The following FRAS1 variants were observed in gnomAD, a reference collection of about 807,000 sequenced individuals.
The protein encoded by FRAS1 is Fraser extracellular matrix complex subunit 1.
In FRAS1, 290 loss-of-function variants were observed where a neutral mutation model predicts 435.2. The observed-to-expected ratio is 0.67, with a 90% confidence interval of 0.61 to 0.73. The LOEUF (loss-of-function observed/expected upper bound fraction) is 0.73. Ranked by LOEUF, FRAS1 falls within the 30% of genes least tolerant of loss-of-function variation. The pLI is 0.00. For synonymous variants in FRAS1, 1,800 were observed against 1,851.0 expected (o/e 0.97, Z 0.71); for missense variants, 4,860 against 5,001.5 (o/e 0.97, Z 0.85).
chr4:78,065,164 G>GTATATATGTA (rs1012445206), intron 1 of FRAS1, among the ~76,000 whole-genome samples: 8 of 143,056 alleles, frequency 5.6e-5, no homozygotes, highest in African/African-American at 2.1e-4. Context: ...TATATAGTGG[G>GTATATATGTA]TATATATGTA....
At chr4:78,306,223 A>G (rs1728706243) in intron 14 of FRAS1, among the ~76,000 whole-genome samples, 2 of 152,010 alleles carry the variant, frequency 1.3e-5, no homozygotes, top group South Asian at 4.2e-4. Context: ...AGTTTCGGCC[A>G]AGAGATCCGC....
At chr4:78,394,464 CTCCTT>C (rs997463517) in intron 29 of FRAS1, among the ~76,000 whole-genome samples, 15 of 151,788 alleles carry the variant, frequency 9.9e-5, no homozygotes, top group Admixed American at 7.9e-4. Flanking sequence ...CTATTCTTTT[CTCCTT>C]TCCTTATTTT....
At chr4:78,270,143 G>A (rs911075783) in intron 9 of FRAS1, among the ~76,000 whole-genome samples, 9 of 152,222 alleles carry the variant, frequency 5.9e-5, no homozygotes, top group African/African-American at 1.9e-4. Flanking sequence ...CCCCACTGCA[G>A]TGAACTGATG....
At chr4:78,288,537 G>A (rs55881329) in intron 14 of FRAS1, among the ~76,000 whole-genome samples, 2,086 of 151,010 alleles carry the variant, frequency 0.014, 53 homozygotes, top group African/African-American at 0.048. Flanking sequence ...GGTTTACGTA[G>A]CTCACTGCTT....
Position 78,417,647 on chromosome 4 carries a change from C to T in FRAS1, c.4426-1302C>T, listed in dbSNP as rs139366029. On this transcript the variant is annotated intron_variant, in intron 32 of 73. Coordinates refer to ENST00000512123, the MANE Select transcript of FRAS1 (RefSeq NM_025074.7). ...GACTCTTTACTATAGGGGGATTGTT[C>T]TAACCTGCAAATTCTGCCTCTCCCC... Among the ~76,000 whole-genome samples, 457 of 152,312 alleles carry T rather than the reference C, an allele frequency of 3.0e-3. 3 individuals carry two copies. Among genetic ancestry groups the T allele is most frequent in the African/African-American group, 0.011 (442 of 41,564 alleles).
At chr4:78,178,856 A>G (rs1721887025) in intron 2 of FRAS1, among the ~76,000 whole-genome samples, 1 of 152,222 alleles carries the variant, frequency 6.6e-6, no homozygotes, top group African/African-American at 2.4e-5. Context: ...TGGGCTTCAA[A>G]TAGGATACTG....
At chr4:78,203,561 AT>A (rs925754692) in intron 2 of FRAS1, among the ~76,000 whole-genome samples, 1 of 147,940 alleles carries the variant, frequency 6.8e-6, no homozygotes, top group Non-Finnish European at 1.5e-5. Flanking sequence ...ATTTTATTTT[AT>A]TTTTTTATTT....
chr4:78,058,299 C>T (rs937412736), intron 1 of FRAS1, among the ~76,000 whole-genome samples: 1 of 152,000 alleles, frequency 6.6e-6, no homozygotes, highest in Non-Finnish European at 1.5e-5. Context: ...ATTACACCCC[C>T]GAAACGGCCT....
chr4:78,442,249 T>C (rs1344061544), intron 41 of FRAS1, among the ~76,000 whole-genome samples: 1 of 152,260 alleles, frequency 6.6e-6, no homozygotes, highest in Non-Finnish European at 1.5e-5. Flanking sequence ...TTTCAACAAA[T>C]GTTTGTGCTA....
At position 78,097,366 on chromosome 4, in the gene FRAS1, A is replaced by C. The variant is rs941520157; in HGVS notation, c.108+31350A>C. Reference sequence around the variant, plus strand: ...CCAACCTCTGCCTGTTACCCAGTTCAAAAGTCTCTTCCACATTTTCAAGTA... The same window carrying C: ...CCAACCTCTGCCTGTTACCCAGTTCCAAAGTCTCTTCCACATTTTCAAGTA... On this transcript the variant is annotated intron_variant, in intron 2 of 73. Transcript: ENST00000512123. 4.6e-5 allele frequency among the ~76,000 whole-genome samples: 7 copies of C among 152,332 alleles called. No individual in the cohort carries two copies. The East Asian group carries it at 5.8e-4, about 13-fold the overall frequency.
rs1019063983 is a variant in FRAS1 at position 78,135,485 on chromosome 4, G to T, written c.108+69469G>T. ...TGCAGAGAAAGCATGGAAATACTTG[G>T]GCTGTTTCTTGCAAAATTCAGGATA... On this transcript the variant is annotated intron_variant, in intron 2 of 73. Transcript: ENST00000512123. Among the ~76,000 whole-genome samples, 9 of 152,256 alleles carry T rather than the reference G, an allele frequency of 5.9e-5. 1 individual carries two copies. The highest frequency in any genetic ancestry group is 2.2e-4 in the African/African-American group (9 of 41,550).
chr4:78,308,386 C>T (rs1424087526), intron 15 of FRAS1, among the ~76,000 whole-genome samples, 177 bp downstream of exon 15: 2 of 152,170 alleles, frequency 1.3e-5, no homozygotes, highest in African/African-American at 2.4e-5. Flanking sequence ...AGTGGTATTC[C>T]TCTTAATTGC....
At chr4:78,255,539 C>T (rs1362435078) in intron 6 of FRAS1, among the ~76,000 whole-genome samples, 164 bp downstream of exon 6, 1 of 152,178 alleles carries the variant, frequency 6.6e-6, no homozygotes, top group African/African-American at 2.4e-5. Context: ...ATTTCTTTTA[C>T]CCTTAGAAAC....
intron 2 of FRAS1, chr4:78,181,551 C>G: frequency 1.9e-6 from 3 of 1,611,562 alleles, no homozygotes; most frequent in Non-Finnish European, 2.5e-6. Context: ...CCAAGACCAC[C>G]ACGACCTCGA....
In FRAS1 at chr4:78,084,044, G is replaced by T. The variant is rs527510302; in HGVS notation, c.108+18028G>T. ...TTACCAGTTTTCAGAATAATTATTT[G>T]ATTTTCTAGCATCCACCAAAAGGGA... On this transcript the variant is annotated intron_variant, in intron 2 of 73. Coordinates refer to ENST00000512123, the MANE Select transcript of FRAS1 (RefSeq NM_025074.7). Among the ~76,000 whole-genome samples the T allele has an allele frequency of 2.6e-5, 4 of 152,056 alleles. No individual in the cohort carries two copies. The East Asian group carries it at 7.7e-4, about 29-fold the overall frequency.
chr4:78,184,991 A>G (rs1722213248), intron 2 of FRAS1, among the ~76,000 whole-genome samples: 1 of 152,208 alleles, frequency 6.6e-6, no homozygotes, highest in African/African-American at 2.4e-5. Context: ...TTCATTTTTC[A>G]GCAAACAGAT....
At chr4:78,499,266 A>T (rs1406616663) in intron 60 of FRAS1, among the ~76,000 whole-genome samples, 1 of 152,188 alleles carries the variant, frequency 6.6e-6, no homozygotes, top group Non-Finnish European at 1.5e-5. Context: ...TGGTAAATTT[A>T]AGTAGTATAT....
rs1456949587 is a variant in FRAS1 at position 78,534,449 on chromosome 4, A to T, written c.10926A>T (p.Arg3642Ser). The T allele has an allele frequency of 1.2e-6, 2 of 1,606,774 alleles. No homozygotes were observed. Among genetic ancestry groups the T allele is most frequent in the East Asian group, 2.2e-5 (1 of 44,718 alleles). The change falls in exon 71 of 74, where the codon AGA becomes AGT. Residue 3642 changes from arginine to serine, a missense_variant and splice_region_variant. Physicochemically the swap from Arg to Ser is moderately radical, Grantham distance 110. Coordinates refer to ENST00000512123, the MANE Select transcript of FRAS1 (RefSeq NM_025074.7). ...GCTCTTTGTTTCTCCTTGCATTTAG[A>T]TTCCTGATACCCATTGCATTCCAGC... ...PLACTAHAPE[R>S]FLIPIAFQQT...
chr4:78,397,004 T>G (rs1732699955), intron 29 of FRAS1, among the ~76,000 whole-genome samples: 1 of 152,216 alleles, frequency 6.6e-6, no homozygotes, highest in African/African-American at 2.4e-5. Context: ...AAGATGATTA[T>G]TTTGAATTAT....
Sources: allele counts gnomAD v4.1 joint callset (sites outside exome capture counted in the v4.1 genomes callset), GRCh38; gene constraint gnomAD v4.1.1; transcripts MANE v1.5; gene names NCBI Gene and HGNC (gene_info 2026-07-23, HGNC 2026-07-21).